NDST4: variants seen among roughly 807,000 people sequenced by gnomAD.
NDST4 encodes N-heparan sulfate sulfotransferase 4.
In NDST4, 63 loss-of-function variants were observed where a neutral mutation model predicts 100.8. That is an observed-to-expected ratio of 0.62 (90% CI 0.51 to 0.77). The LOEUF (loss-of-function observed/expected upper bound fraction) is 0.77. NDST4 is among the 30% of genes least tolerant of loss of function. The pLI is 0.00. For missense variants in NDST4, 943 were observed against 1,018.4 expected (o/e 0.93, Z 1.01); for synonymous variants, 377 against 361.8 (o/e 1.04, Z -0.48).
Position 115,077,075 on chromosome 4 carries a change from G to T in NDST4, c.-39C>A. The stretch of plus-strand genomic sequence containing the variant: ...GTTTTGGAAGCTTTTTCCCAATTTC[G>T]TTTCCTAAAGTGCCATAGTGAATAA... On this transcript the variant is annotated 5_prime_UTR_variant, in exon 2 of 14. Coordinates refer to ENST00000264363, the MANE Select transcript of NDST4 (RefSeq NM_022569.3). The T allele has an allele frequency of 6.5e-7, 1 of 1,532,168 alleles. No homozygotes were observed. 94.9% of individuals were successfully genotyped at this position (1,532,168 alleles called of 1,614,324 possible).
chr4:115,032,626 G>C (rs1287660722), intron 2 of NDST4, among the ~76,000 whole-genome samples: 1 of 152,046 alleles, frequency 6.6e-6, no homozygotes, highest in Non-Finnish European at 1.5e-5. Flanking sequence ...TTAAATAATA[G>C]AGTAATGCAT....
At chr4:114,913,602 A>C (rs905473353) in intron 6 of NDST4, among the ~76,000 whole-genome samples, 2 of 151,892 alleles carry the variant, frequency 1.3e-5, no homozygotes, top group Non-Finnish European at 2.9e-5. Context: ...AGATTTTAAT[A>C]ACTTGTTTAA....
intron 2 of NDST4, among the ~76,000 whole-genome samples, chr4:115,030,826 A>T (rs1296430615): frequency 6.6e-6 from 1 of 152,128 alleles, no homozygotes; most frequent in Non-Finnish European, 1.5e-5. Context: ...ATCATGTTCT[A>T]TCGAGAATAG....
chr4:115,097,641 T>C (rs1729645808), intron 1 of NDST4, among the ~76,000 whole-genome samples: 1 of 152,170 alleles, frequency 6.6e-6, no homozygotes, highest in South Asian at 2.1e-4. Flanking sequence ...CCTAAGCCCT[T>C]GCTCCACATC....
At chr4:114,929,948 T>A (rs945735950) in intron 6 of NDST4, among the ~76,000 whole-genome samples, 1 of 151,942 alleles carries the variant, frequency 6.6e-6, no homozygotes, top group Non-Finnish European at 1.5e-5. Flanking sequence ...GTTCTGAAAA[T>A]TATTGACTTA....
At chr4:114,902,227 T>C (rs992943778) in intron 6 of NDST4, among the ~76,000 whole-genome samples, 1 of 152,036 alleles carries the variant, frequency 6.6e-6, no homozygotes, top group Non-Finnish European at 1.5e-5. Flanking sequence ...ATTATTTTCC[T>C]TCTGTTTAAA....
intron 2 of NDST4, among the ~76,000 whole-genome samples, chr4:115,064,219 A>G (rs901808353): frequency 6.6e-6 from 1 of 152,078 alleles, no homozygotes; most frequent in Non-Finnish European, 1.5e-5. Context: ...GGAAACAAAT[A>G]TGAATGAAAG....
chr4:114,896,733 A>T (rs1169867402), intron 6 of NDST4, among the ~76,000 whole-genome samples: 1 of 152,148 alleles, frequency 6.6e-6, no homozygotes, highest in Non-Finnish European at 1.5e-5. Context: ...TTGCATGAAA[A>T]TTCTTTGCAA....
At chr4:115,106,780 G>A (rs886535757) in intron 1 of NDST4, among the ~76,000 whole-genome samples, 7 of 152,106 alleles carry the variant, frequency 4.6e-5, no homozygotes, top group Non-Finnish European at 8.8e-5. Context: ...CCAACTGGGT[G>A]ATGTTTTGGA....
intron 6 of NDST4, among the ~76,000 whole-genome samples, chr4:114,896,450 C>G (rs992984018): frequency 4.6e-5 from 7 of 151,560 alleles, no homozygotes; most frequent in African/African-American, 1.7e-4. Flanking sequence ...GGTGAAACCC[C>G]GTCTCTACTA....
intron 8 of NDST4, among the ~76,000 whole-genome samples, chr4:114,848,772 A>T (rs1028282115): frequency 1.3e-5 from 2 of 152,170 alleles, no homozygotes; most frequent in African/African-American, 4.8e-5. Flanking sequence ...TATTTAACAG[A>T]GGTTGATGTG....
At chr4:115,069,430 C>T (rs1729024128) in intron 2 of NDST4, among the ~76,000 whole-genome samples, 1 of 152,036 alleles carries the variant, frequency 6.6e-6, no homozygotes, top group Non-Finnish European at 1.5e-5. Flanking sequence ...TATCCAGTAT[C>T]TATAAGGAAC....
intron 4 of NDST4, among the ~76,000 whole-genome samples, chr4:114,964,063 A>G (rs978845074): frequency 6.6e-6 from 1 of 152,094 alleles, no homozygotes; most frequent in Non-Finnish European, 1.5e-5. Flanking sequence ...ATAATAAAAG[A>G]CTCTGAATCA....
chr4:114,867,400 TG>T (rs376355002), intron 7 of NDST4, among the ~76,000 whole-genome samples: 8 of 152,140 alleles, frequency 5.3e-5, no homozygotes, highest in African/African-American at 1.4e-4. Context: ...TCTTTAACCC[TG>T]GAGACGTTGG....
intron 10 of NDST4, 119 bp downstream of exon 10, chr4:114,845,704 G>T: frequency 1.1e-6 from 1 of 875,674 alleles, no homozygotes; most frequent in Non-Finnish European, 1.7e-6. Flanking sequence ...TGGGGGTTGT[G>T]GGTTTAGATA....
chr4:114,842,682 T>C (rs1459490208), intron 10 of NDST4: 1 of 206,208 alleles, frequency 4.8e-6, no homozygotes, highest in Non-Finnish European at 9.0e-6. Flanking sequence ...GCACCTGTAG[T>C]CCCAGCTACT....
chr4:114,829,723 A>G (rs1435899222), intron 13 of NDST4, 67 bp downstream of exon 13: 6 of 1,128,366 alleles, frequency 5.3e-6, no homozygotes, highest in Non-Finnish European at 6.4e-6. Context: ...ATTTCTTGTT[A>G]CTAGTTTTGA....
At chr4:114,883,335 T>C (rs908319591) in intron 6 of NDST4, among the ~76,000 whole-genome samples, 1 of 152,092 alleles carries the variant, frequency 6.6e-6, no homozygotes, top group East Asian at 1.9e-4. Context: ...TACTGAGTTA[T>C]AAGGGACCTG....
chr4:114,969,844 C>T (rs1726470559), intron 4 of NDST4, among the ~76,000 whole-genome samples: 1 of 152,116 alleles, frequency 6.6e-6, no homozygotes, highest in South Asian at 2.1e-4. Flanking sequence ...TAGGATTGCT[C>T]AATCAAATGG....
Sources: allele counts gnomAD v4.1 joint callset (sites outside exome capture counted in the v4.1 genomes callset), GRCh38; gene constraint gnomAD v4.1.1; transcripts MANE v1.5; gene names NCBI Gene and HGNC (gene_info 2026-07-23, HGNC 2026-07-21).